CAVIN4: variants seen among roughly 807,000 people sequenced by gnomAD.
The protein encoded by CAVIN4 is caveolae associated protein 4, also known as caveolae-associated protein 4.
CAVIN4 carries 10 observed loss-of-function variants against 18.6 expected under a neutral mutation model. The observed-to-expected ratio is 0.54, with a 90% CI of 0.33 to 0.91. The LOEUF (loss-of-function observed/expected upper bound fraction) is 0.91. CAVIN4 is among the 40% of genes least tolerant of loss of function. The pLI is 0.02. For synonymous variants in CAVIN4, 173 were observed against 164.8 expected (o/e 1.05, Z -0.38); for missense variants, 459 against 440.5 (o/e 1.04, Z -0.38).
upstream of CAVIN4, chr9:100,577,953 G>A (rs148371890): frequency 1.5e-3 from 822 of 566,716 alleles, 1 homozygote; most frequent in Non-Finnish European, 2.2e-3. Flanking sequence ...AACAGTCCCC[G>A]GTGCTTTGCA....
At chr9:100,583,710 A>T (rs1839450279) in intron 1 of CAVIN4, among the ~76,000 whole-genome samples, 1 of 151,530 alleles carries the variant, frequency 6.6e-6, no homozygotes, top group Admixed American at 6.6e-5. Context: ...GCAGTGGCAC[A>T]ATCTCAGCTC....
chr9:100,587,747 G>T lies in CAVIN4; in HGVS notation c.*1296G>T, dbSNP rs1031473228. ...GACTCTACTGAAAATACAAAAATTAGCTGGGCATGGTGGCATGCGCCTGTC... is the reference window on the plus strand; with the variant it reads ...GACTCTACTGAAAATACAAAAATTATCTGGGCATGGTGGCATGCGCCTGTC... On this transcript the variant is annotated 3_prime_UTR_variant, in exon 2 of 2. Transcript: ENST00000307584. The T allele has an allele frequency of 6.6e-6, 1 of 152,208 alleles. No individual in the cohort carries two copies. The highest frequency in any genetic ancestry group is 1.5e-5 in the Non-Finnish European group (1 of 68,100). The allele number at this position is 152,208 out of a possible 1,614,324, so 9.4% of individuals were successfully genotyped here. A position where few individuals can be genotyped will look rare whatever the true frequency, so the allele number is the denominator to read the frequency against.
At chr9:100,580,456 T>TG (rs1839415915) in intron 1 of CAVIN4, among the ~76,000 whole-genome samples, 1 of 152,252 alleles carries the variant, frequency 6.6e-6, no homozygotes, top group African/African-American at 2.4e-5. Context: ...CATGGGCGCA[T>TG]GGCCAGGAAA....
chr9:100,579,540 T>TA (rs1182032438), intron 1 of CAVIN4, among the ~76,000 whole-genome samples: 7 of 152,340 alleles, frequency 4.6e-5, no homozygotes, highest in African/African-American at 1.7e-4. Flanking sequence ...TATTAATTGA[T>TA]AAAACATTTT....
Position 100,586,587 on chromosome 9 carries a change from TAATATA to T in CAVIN4, c.*142_*147del, listed in dbSNP as rs1216478807. 15 of 567,728 alleles carry T rather than the reference TAATATA, an allele frequency of 2.6e-5. No individual in the cohort carries two copies. Among genetic ancestry groups the T allele is most frequent in the Non-Finnish European group, 4.1e-5 (14 of 344,290 alleles). The allele number at this position is 567,728 out of a possible 1,614,324, so 35.2% of individuals were successfully genotyped here. A position where few individuals can be genotyped will look rare whatever the true frequency, so the allele number is the denominator to read the frequency against. ...TTTCTTATATTTAAAATCTTGAAGA[TAATATA>T]AATATTATTATCACTCTTTCTCATG... On this transcript the variant is annotated 3_prime_UTR_variant, in exon 2 of 2. Transcript: ENST00000307584.
chr9:100,580,035 A>T (rs1320946136), intron 1 of CAVIN4, among the ~76,000 whole-genome samples: 1 of 150,364 alleles, frequency 6.7e-6, no homozygotes, highest in East Asian at 1.9e-4. Context: ...GTTCTTTATC[A>T]TTTCCCTTTC....
rs1226842743 is a variant in CAVIN4 at position 100,586,315 on chromosome 9, A to G, written c.959A>G (p.Glu320Gly). 2 of 1,613,888 alleles carry G rather than the reference A, an allele frequency of 1.2e-6. No homozygotes were observed. The highest frequency in any genetic ancestry group is 1.7e-5 in the Admixed American group (1 of 59,998). ...GATGAGCTCAGTGAACCAGAACACG[A>G]GGCAGCCAGGCCGGTGTATCCTCCC... The part of the protein sequence containing the change: ...YSDELSEPEH[E>G]AARPVYPPHE... Residue 320 changes from glutamate to glycine, a missense_variant, in exon 2 of 2, where the codon GAG becomes GGG. By Grantham distance (98) the Glu-to-Gly change is moderately conservative (BLOSUM62 -2). Coordinates refer to ENST00000307584, the MANE Select transcript of CAVIN4 (RefSeq NM_001018116.2).
chr9:100,584,166 T>C (rs1335992445), intron 1 of CAVIN4, among the ~76,000 whole-genome samples: 2 of 152,248 alleles, frequency 1.3e-5, no homozygotes, highest in African/African-American at 4.8e-5. Context: ...ACCGTATGAA[T>C]GAGGCCTTTC....
Position 100,586,593 on chromosome 9 carries a change from A to T in CAVIN4, c.*142A>T. ...ATATTTAAAATCTTGAAGATAATATAAATATTATTATCACTCTTTCTCATG... is the reference window on the plus strand; with the variant it reads ...ATATTTAAAATCTTGAAGATAATATTAATATTATTATCACTCTTTCTCATG... On this transcript the variant is annotated 3_prime_UTR_variant, in exon 2 of 2. Coordinates refer to ENST00000307584, the MANE Select transcript of CAVIN4 (RefSeq NM_001018116.2). 7.3e-6 allele frequency: 4 copies of T among 546,752 alleles called. No homozygotes were observed. Among genetic ancestry groups the T allele is most frequent in the Non-Finnish European group, 1.2e-5 (4 of 328,940 alleles). 33.9% of individuals were successfully genotyped at this position (546,752 alleles called of 1,614,324 possible). A position where few individuals can be genotyped will look rare whatever the true frequency, so the allele number is the denominator to read the frequency against.
At position 100,585,795 on chromosome 9, in the gene CAVIN4, G is replaced by A; in HGVS notation, c.439G>A (p.Val147Ile). 6.2e-7 allele frequency: 1 copy of A among 1,614,096 alleles called. No homozygotes were observed. ...EKFRCPTSLSVVKDRNLTENQ... is the reference protein window; with the variant it reads ...EKFRCPTSLSIVKDRNLTENQ... ...GTTTCGGTGTCCGACATCCCTGTCT[G>A]TTGTTAAAGACAGAAACCTAACTGA... Residue 147 changes from valine to isoleucine, a missense_variant, in exon 2 of 2, where the codon GTT becomes ATT. Coordinates refer to ENST00000307584, the MANE Select transcript of CAVIN4 (RefSeq NM_001018116.2).
intron 1 of CAVIN4, 145 bp from the exon 2 acceptor site, chr9:100,585,620 G>A (rs993415805): frequency 2.8e-6 from 2 of 720,802 alleles, no homozygotes; most frequent in Non-Finnish European, 4.8e-6. Context: ...GCCAAGGTAA[G>A]AGAAACCCTA....
At chr9:100,580,099 A>C (rs1839412610) in intron 1 of CAVIN4, among the ~76,000 whole-genome samples, 1 of 151,826 alleles carries the variant, frequency 6.6e-6, no homozygotes, top group Admixed American at 6.6e-5. Flanking sequence ...GAAAAAAAAA[A>C]AAAGCCTGGG....
intron 1 of CAVIN4, among the ~76,000 whole-genome samples, chr9:100,580,852 A>G (rs1229078296): frequency 6.6e-6 from 1 of 152,250 alleles, no homozygotes; most frequent in East Asian, 1.9e-4. Context: ...AATAATGGAC[A>G]TAGAACTCTG....
At chr9:100,580,110 C>A (rs1173206916) in intron 1 of CAVIN4, among the ~76,000 whole-genome samples, 1 of 148,888 alleles carries the variant, frequency 6.7e-6, no homozygotes, top group Non-Finnish European at 1.5e-5. Context: ...AAAGCCTGGG[C>A]AATGTGGCAA....
chr9:100,583,009 T>C (rs1468523122), intron 1 of CAVIN4, among the ~76,000 whole-genome samples: 1 of 152,148 alleles, frequency 6.6e-6, no homozygotes, highest in Non-Finnish European at 1.5e-5. Flanking sequence ...ATTTCCAAAG[T>C]CTGAAATATT....
chr9:100,586,724 C>T lies in CAVIN4; in HGVS notation c.*273C>T. ...AGGGCAACTTTGCGGCCGTCATTTG[C>T]AGGAGAACTCTAAATATTGGTTAGG... On this transcript the variant is annotated 3_prime_UTR_variant, in exon 2 of 2. Transcript: ENST00000307584. The T allele has an allele frequency of 3.5e-6, 1 of 282,572 alleles. No individual in the cohort carries two copies. Among genetic ancestry groups the T allele is most frequent in the Non-Finnish European group, 6.6e-6 (1 of 150,858 alleles). The allele number at this position is 282,572 out of a possible 1,614,324, so 17.5% of individuals were successfully genotyped here.
In CAVIN4 at chr9:100,578,084, T is replaced by C. The variant is rs1301775531; in HGVS notation, c.-60T>C. 16 of 1,590,068 alleles carry C rather than the reference T, an allele frequency of 1.0e-5. No homozygotes were observed. Among genetic ancestry groups the C allele is most frequent in the Non-Finnish European group, 1.3e-5 (15 of 1,162,344 alleles). On this transcript the variant is annotated 5_prime_UTR_variant, in exon 1 of 2. Coordinates refer to ENST00000307584, the MANE Select transcript of CAVIN4 (RefSeq NM_001018116.2). ...CTGTTGCCTGTTATCAAGCTGACTT[T>C]TTGCTCCAAGTGCCAGAATTGATTG...
At chr9:100,577,990 TATG>T (rs1296012662), upstream of CAVIN4, 24 of 671,950 alleles carry the variant, frequency 3.6e-5, no homozygotes, top group Middle Eastern at 3.8e-4. Flanking sequence ...AACAGTCACA[TATG>T]GGTATTTGTA....
chr9:100,582,492 C>T (rs576344868), intron 1 of CAVIN4, among the ~76,000 whole-genome samples: 59 of 152,228 alleles, frequency 3.9e-4, no homozygotes, highest in Non-Finnish European at 5.3e-4. Flanking sequence ...ACTACAGGTG[C>T]GCATCACCTT....
Sources: gnomAD v4.1 joint callset for allele counts (sites outside exome capture counted in the v4.1 genomes callset) on GRCh38, gnomAD v4.1.1 for gene constraint, MANE v1.5 for transcripts, NCBI Gene and HGNC (gene_info 2026-07-23, HGNC 2026-07-21) for gene names.